The following TMC1 variants were observed in gnomAD, a reference collection of about 807,000 sequenced individuals.
The protein encoded by TMC1 is transmembrane channel like 1.
TMC1 carries 84 observed loss-of-function variants against 105.8 expected under a neutral mutation model. The observed-to-expected ratio is 0.79, with a 90% confidence interval of 0.67 to 0.95. The LOEUF is 0.95. Among genes scored for constraint, TMC1 ranks in the 40% least tolerant of loss-of-function variants. TMC1 has a pLI of 0.00. For missense variants in TMC1, 817 were observed against 914.1 expected (o/e 0.89, Z 1.37); for synonymous variants, 315 against 311.5 (o/e 1.01, Z -0.12).
chr9:72,751,928 T>C lies in TMC1; in HGVS notation c.614T>C (p.Leu205Pro). The stretch of plus-strand genomic sequence containing the variant: ...GGAGTCAATATGGTTCTCTTTATCC[T>C]GACATTTAGCCTCATCATGTTGCCA... ...MYGVNMVLFI[L>P]TFSLIMLPEY... is the part of the protein sequence containing the mutation. Residue 205 changes from leucine (L) to proline (P), a missense_variant, in exon 11 of 24, where the codon CTG becomes CCG. By Grantham distance (98) the Leu-to-Pro change is moderately conservative (BLOSUM62 -3). Transcript: ENST00000297784. The C allele has an allele frequency of 6.2e-7, 1 of 1,612,870 alleles. No homozygotes were observed. Among genetic ancestry groups the C allele is most frequent in the Non-Finnish European group, 8.5e-7 (1 of 1,178,992 alleles).
intron 1 of TMC1, among the ~76,000 whole-genome samples, chr9:72,557,024 A>G (rs1823953447): frequency 1.3e-5 from 2 of 152,148 alleles, no homozygotes; most frequent in Non-Finnish European, 1.5e-5. Flanking sequence ...CCCTGACAGC[A>G]TTAAACAGTC....
At chr9:72,681,643 A>C (rs1212684745) in intron 5 of TMC1, among the ~76,000 whole-genome samples, 2 of 152,180 alleles carry the variant, frequency 1.3e-5, no homozygotes, top group Admixed American at 1.3e-4. Flanking sequence ...CACGTACAAT[A>C]AAAGCAGAAG....
At chr9:72,820,738 T>G in intron 19 of TMC1, 104 bp from the exon 20 acceptor site, 5 of 1,448,362 alleles carry the variant, frequency 3.5e-6, no homozygotes, top group Non-Finnish European at 4.8e-6. Flanking sequence ...GGCAGTGTAT[T>G]TTCTGCCTTT....
chr9:72,569,665 C>T (rs1050010037), intron 1 of TMC1, among the ~76,000 whole-genome samples: 23 of 152,112 alleles, frequency 1.5e-4, no homozygotes, highest in Admixed American at 4.6e-4. Context: ...GATGACGGGG[C>T]TACAGTGTGC....
intron 1 of TMC1, among the ~76,000 whole-genome samples, chr9:72,575,411 C>A (rs1409355903): frequency 6.6e-6 from 1 of 152,128 alleles, no homozygotes; most frequent in Non-Finnish European, 1.5e-5. Flanking sequence ...GAACTCCTGA[C>A]CTCAGGTGAT....
chr9:72,793,783 C>G lies in TMC1; in HGVS notation c.1566+1431C>G, dbSNP rs369991765. Reference sequence around the variant, plus strand: ...TGCAGCAGCCCTATGAAAAAGTGACCAGACTTTTACATGGGTGCCCATCCC... The same window carrying G: ...TGCAGCAGCCCTATGAAAAAGTGACGAGACTTTTACATGGGTGCCCATCCC... On this transcript the variant is annotated intron_variant, in intron 17 of 23. Coordinates refer to ENST00000297784, the MANE Select transcript of TMC1 (RefSeq NM_138691.3). Among the ~76,000 whole-genome samples, 17 of 152,254 alleles carry G rather than the reference C, an allele frequency of 1.1e-4. No homozygotes were observed. The East Asian group carries it at 3.1e-3, about 28-fold the overall frequency.
chr9:72,746,327 G>A (rs1401142292), intron 10 of TMC1, among the ~76,000 whole-genome samples: 1 of 152,088 alleles, frequency 6.6e-6, no homozygotes, highest in Non-Finnish European at 1.5e-5. Flanking sequence ...AGGCACTATT[G>A]CTACTGCCAA....
chr9:72,715,220 A>C (rs1826897864), intron 8 of TMC1, among the ~76,000 whole-genome samples: 1 of 152,086 alleles, frequency 6.6e-6, no homozygotes, highest in African/African-American at 2.4e-5. Context: ...AACCTTGGTA[A>C]ATCTGATGAT....
chr9:72,743,942 C>T (rs1827442685), intron 10 of TMC1, among the ~76,000 whole-genome samples: 1 of 152,156 alleles, frequency 6.6e-6, no homozygotes, highest in African/African-American at 2.4e-5. Flanking sequence ...ATCTGATTTC[C>T]ATCCATTCCT....
At position 72,574,669 on chromosome 9, in the gene TMC1, G is replaced by A. The variant is rs74733560; in HGVS notation, c.-427-3233G>A. Among the ~76,000 whole-genome samples the A allele has an allele frequency of 5.5e-3, 838 of 152,338 alleles. 3 individuals are homozygous for A. Among genetic ancestry groups the A allele is most frequent in the African/African-American group, 0.019 (784 of 41,580 alleles). ...CAGAATGCCAGGTTAACTTAAGGTC[G>A]ATAATGGTTACTTCCTTGTCACTTT... is the stretch of plus-strand genomic sequence containing the variant. On this transcript the variant is annotated intron_variant, in intron 1 of 23. Coordinates refer to ENST00000297784, the MANE Select transcript of TMC1 (RefSeq NM_138691.3).
At chr9:72,831,932 T>A (rs1829048791) in intron 23 of TMC1, among the ~76,000 whole-genome samples, 1 of 151,874 alleles carries the variant, frequency 6.6e-6, no homozygotes, top group African/African-American at 2.4e-5. Flanking sequence ...GCATGATTTA[T>A]AATCCTTTGG....
intron 13 of TMC1, among the ~76,000 whole-genome samples, chr9:72,779,649 T>C (rs183734839): frequency 2.0e-5 from 3 of 152,130 alleles, no homozygotes; most frequent in African/African-American, 7.2e-5. Context: ...CAGCCCAAGC[T>C]GAGGAAAGAA....
At chr9:72,631,804 A>G (rs891735560) in intron 4 of TMC1, among the ~76,000 whole-genome samples, 11 of 152,190 alleles carry the variant, frequency 7.2e-5, no homozygotes, top group African/African-American at 2.7e-4. Flanking sequence ...AAAGGCATCA[A>G]TGAGGCCTAT....
intron 1 of TMC1, among the ~76,000 whole-genome samples, chr9:72,537,514 A>G (rs975070823): frequency 6.6e-6 from 1 of 152,182 alleles, no homozygotes; most frequent in Non-Finnish European, 1.5e-5. Context: ...CATATTTACA[A>G]TTAAAAGCAG....
At chr9:72,696,081 T>A (rs1003652085) in intron 7 of TMC1, among the ~76,000 whole-genome samples, 2 of 152,172 alleles carry the variant, frequency 1.3e-5, no homozygotes, top group African/African-American at 4.8e-5. Context: ...ATGATATAGG[T>A]TGTGTTCCAA....
chr9:72,731,240 A>T (rs1827208088), intron 8 of TMC1, among the ~76,000 whole-genome samples: 1 of 152,232 alleles, frequency 6.6e-6, no homozygotes, highest in African/African-American at 2.4e-5. Flanking sequence ...TAGTACAAAA[A>T]ATATAGACCT....
At chr9:72,710,111 A>G (rs1028536649) in intron 8 of TMC1, among the ~76,000 whole-genome samples, 6 of 152,194 alleles carry the variant, frequency 3.9e-5, no homozygotes, top group African/African-American at 1.4e-4. Context: ...TGTTGACCCA[A>G]CAATCATTCA....
At chr9:72,754,709 C>G in intron 11 of TMC1, 77 bp from the exon 12 acceptor site, 1 of 1,213,092 alleles carries the variant, frequency 8.2e-7, no homozygotes, top group Non-Finnish European at 1.2e-6. Context: ...GGCTTTTAAA[C>G]AAAACCATTT....
At position 72,688,711 on chromosome 9, in the gene TMC1, CA is replaced by C. The variant is rs727504554; in HGVS notation, c.22del (p.Ile8SerfsTer31). MSPKKVQIKVEEKEDET... is the reference protein window; with the variant it reads MSPKKVXIKVEEKEDET... ...GTACTGTTTTCTTTCCTCAACAGTA[CA>C]AATCAAAGTGGAGGAAAAAGAAGAC... is the stretch of plus-strand genomic sequence containing the variant. On this transcript the variant is annotated frameshift_variant, in exon 6 of 24. Transcript: ENST00000297784. LOFTEE classifies it high-confidence loss of function. The C allele has an allele frequency of 6.8e-6, 11 of 1,610,840 alleles. No individual in the cohort carries two copies. The highest frequency in any genetic ancestry group is 9.3e-6 in the Non-Finnish European group (11 of 1,178,040).
Sources: gnomAD v4.1 joint callset for allele counts (sites outside exome capture counted in the v4.1 genomes callset) on GRCh38, gnomAD v4.1.1 for gene constraint, MANE v1.5 for transcripts, NCBI Gene and HGNC (gene_info 2026-07-23, HGNC 2026-07-21) for gene names.